ZNF787: variants seen among roughly 807,000 people sequenced by gnomAD.
The protein encoded by ZNF787 is zinc finger protein 787.
Under a neutral mutation model 16.9 loss-of-function variants are expected in ZNF787, and 7 were observed. That is an observed-to-expected ratio of 0.42 (90% CI 0.24 to 0.78). The LOEUF (loss-of-function observed/expected upper bound fraction) is 0.78, where lower values mean the gene tolerates loss of function less well. ZNF787 is among the 30% of genes least tolerant of loss of function. The pLI is 0.30. For synonymous variants in ZNF787, 345 were observed against 270.9 expected, an observed-to-expected ratio of 1.27 and a Z score of -2.69; for missense variants, 551 against 589.3, an observed-to-expected ratio of 0.94 and a Z score of 0.67.
intron 1 of ZNF787, among the ~76,000 whole-genome samples, chr19:56,118,324 G>A (rs371017170): frequency 2.0e-5 from 3 of 152,228 alleles, no homozygotes; most frequent in South Asian, 2.1e-4. Flanking sequence ...GCAGCCCTGC[G>A]TGTAGGAGTC....
In ZNF787 at chr19:56,097,988, G is replaced by A. The variant is rs576168628; in HGVS notation, c.79+5151C>T. On this transcript the variant is annotated intron_variant, in intron 2 of 2. Coordinates refer to ENST00000610935, the MANE Select transcript of ZNF787 (RefSeq NM_001002836.4). ...ACAACCTCATGCTGAAGCCCGGCCT[G>A]CTAAGCCCAGCAAGGGCACCCCCGG... is the stretch of plus-strand genomic sequence containing the variant. 9.2e-5 allele frequency among the ~76,000 whole-genome samples: 14 copies of A among 152,292 alleles called. No homozygotes were observed. In the East Asian group the frequency reaches 2.7e-3, roughly 30 times the overall value.
intron 2 of ZNF787, among the ~76,000 whole-genome samples, chr19:56,090,131 C>T (rs1367095596): frequency 1.3e-5 from 2 of 152,200 alleles, no homozygotes; most frequent in Non-Finnish European, 2.9e-5. Flanking sequence ...AAGTCTCTAT[C>T]CCAACACCTG....
Position 56,087,789 on chromosome 19 carries a change from AG to A in ZNF787, c.*233del, listed in dbSNP as rs1985342192. 8.4e-6 allele frequency: 5 copies of A among 595,590 alleles called. No homozygotes were observed. The highest frequency in any genetic ancestry group is 1.2e-5 in the Non-Finnish European group (5 of 420,106). 36.9% of individuals were successfully genotyped at this position (595,590 alleles called of 1,614,324 possible). On this transcript the variant is annotated 3_prime_UTR_variant, in exon 3 of 3. Transcript: ENST00000610935. ...TCTCCGGCTCGCAGGCCGATAACTT[AG>A]GAAGGGCGGGCCAGGCTGAGGGGGC...
At chr19:56,097,590 G>A (rs1404922467) in intron 2 of ZNF787, among the ~76,000 whole-genome samples, 5 of 152,234 alleles carry the variant, frequency 3.3e-5, no homozygotes, top group Non-Finnish European at 5.9e-5. Flanking sequence ...ACACCCGCAC[G>A]TGCTGCTAGC....
At chr19:56,104,443 C>T (rs561346506) in intron 1 of ZNF787, among the ~76,000 whole-genome samples, 7 of 100,224 alleles carry the variant, frequency 7.0e-5, no homozygotes, top group African/African-American at 2.9e-4. Context: ...AGGGTCCCTA[C>T]GCACGCCGCC....
intron 1 of ZNF787, among the ~76,000 whole-genome samples, chr19:56,117,503 G>A (rs569288991): frequency 3.9e-5 from 6 of 152,306 alleles, no homozygotes; most frequent in African/African-American, 1.4e-4. Context: ...CAGCCACAGC[G>A]AGGCTTCCAC....
intron 1 of ZNF787, among the ~76,000 whole-genome samples, chr19:56,106,814 C>CTGG (rs71184318): frequency 6.6e-6 from 1 of 151,998 alleles, no homozygotes; most frequent in Non-Finnish European, 1.5e-5. Flanking sequence ...TCATTCCAGG[C>CTGG]GGAAGTCTGC....
chr19:56,099,554 T>C (rs1054279077), intron 2 of ZNF787, among the ~76,000 whole-genome samples: 3 of 151,634 alleles, frequency 2.0e-5, no homozygotes, highest in Non-Finnish European at 2.9e-5. Context: ...CTACCAAAAA[T>C]ACAAAAATCA....
chr19:56,106,185 T>C (rs1037697250), intron 1 of ZNF787, among the ~76,000 whole-genome samples: 2 of 152,204 alleles, frequency 1.3e-5, no homozygotes, highest in African/African-American at 4.8e-5. Flanking sequence ...TGCTGCCGTG[T>C]GCTCTGCACA....
At chr19:56,097,302 T>C (rs1985908468) in intron 2 of ZNF787, among the ~76,000 whole-genome samples, 1 of 152,134 alleles carries the variant, frequency 6.6e-6, no homozygotes, top group Admixed American at 6.5e-5. Context: ...CTCCCAGAAA[T>C]ACTCAAATAC....
chr19:56,093,130 CAT>C (rs1336307538), intron 2 of ZNF787, among the ~76,000 whole-genome samples: 2 of 151,216 alleles, frequency 1.3e-5, no homozygotes, highest in African/African-American at 4.9e-5. Flanking sequence ...TGGGATATTC[CAT>C]AGACACAGGG....
intron 2 of ZNF787, among the ~76,000 whole-genome samples, chr19:56,090,756 A>C (rs1599938386): frequency 6.6e-6 from 1 of 152,366 alleles, no homozygotes; most frequent in Non-Finnish European, 1.5e-5. Flanking sequence ...CGGGAGGCAG[A>C]GGTTGCAGTG....
At chr19:56,113,343 A>T (rs578990) in intron 1 of ZNF787, among the ~76,000 whole-genome samples, 1 of 152,132 alleles carries the variant, frequency 6.6e-6, no homozygotes, top group African/African-American at 2.4e-5. Context: ...CAGAACTCCC[A>T]TAAGAACCCG....
intron 1 of ZNF787, among the ~76,000 whole-genome samples, chr19:56,118,007 G>A (rs1006095759): frequency 1.3e-5 from 2 of 152,370 alleles, no homozygotes; most frequent in Middle Eastern, 3.4e-3. Context: ...GGCAGAGACG[G>A]AACCAGGAAA....
Position 56,088,104 on chromosome 19 carries a change from G to T in ZNF787, c.1068C>A (p.Arg356=). ...VCSSCGQSYY[R]AGGEEEDDDD... is the part of the protein sequence containing the mutation. ...CGTCGTCCTCCTCCTCCCCGCCCGCGCGGTAGTAGCTCTGTCCGCAGCTGC... is the reference window on the plus strand; with the variant it reads ...CGTCGTCCTCCTCCTCCCCGCCCGCTCGGTAGTAGCTCTGTCCGCAGCTGC... Residue 356 remains arginine, a synonymous_variant, in exon 3 of 3, where the codon CGC becomes CGA. Coordinates refer to ENST00000610935, the MANE Select transcript of ZNF787 (RefSeq NM_001002836.4). The surrounding 1 kb of genome is among the most constrained non-coding windows in gnomAD (Gnocchi z 8.6). The T allele has an allele frequency of 6.6e-7, 1 of 1,508,398 alleles. No individual in the cohort carries two copies. The highest frequency in any genetic ancestry group is 1.2e-5 in the South Asian group (1 of 83,818). 93.4% of individuals were successfully genotyped at this position (1,508,398 alleles called of 1,614,324 possible).
intron 1 of ZNF787, among the ~76,000 whole-genome samples, chr19:56,118,433 C>G (rs2030199067): frequency 6.6e-6 from 1 of 152,224 alleles, no homozygotes; most frequent in Admixed American, 6.5e-5. Flanking sequence ...CCCCTAGACC[C>G]CAACCTGGGG....
intron 1 of ZNF787, among the ~76,000 whole-genome samples, chr19:56,111,854 T>C (rs2029989618): frequency 6.6e-6 from 1 of 152,140 alleles, no homozygotes; most frequent in African/African-American, 2.4e-5. Context: ...CCCGCGGAAA[T>C]GGCTGAGCCT....
intron 2 of ZNF787, among the ~76,000 whole-genome samples, chr19:56,091,936 G>GCCA (rs1985596203): frequency 2.2e-5 from 3 of 137,350 alleles, no homozygotes; most frequent in African/African-American, 9.9e-5. Context: ...AGCCGAAGCC[G>GCCA]AAGCCAAAGC....
At chr19:56,092,060 C>G (rs1599940168) in intron 2 of ZNF787, among the ~76,000 whole-genome samples, 1 of 152,266 alleles carries the variant, frequency 6.6e-6, no homozygotes, top group African/African-American at 2.4e-5. Flanking sequence ...CACCCTCACC[C>G]TCACCCTCAC....
Sources: gnomAD v4.1 joint callset for allele counts (sites outside exome capture counted in the v4.1 genomes callset) on GRCh38, gnomAD v4.1.1 for gene constraint, Gnocchi (gnomAD v3.1) non-coding constraint, MANE v1.5 for transcripts, NCBI Gene and HGNC (gene_info 2026-07-23, HGNC 2026-07-21) for gene names.